LDHAL6A: variants seen among roughly 807,000 people sequenced by gnomAD.
LDHAL6A encodes the protein L-lactate dehydrogenase A-like 6A.
A neutral mutation model predicts 28.2 loss-of-function variants in LDHAL6A; 19 were observed. The ratio of observed to expected loss-of-function variants is 0.67; its 90% CI spans 0.47 to 0.99. The LOEUF (loss-of-function observed/expected upper bound fraction) is 0.99, where lower values mean the gene tolerates loss of function less well. Among genes scored for constraint, LDHAL6A ranks in the 50% least tolerant of loss-of-function variants. LDHAL6A has a pLI of 0.00. For missense variants in LDHAL6A, 372 were observed against 398.6 expected, an observed-to-expected ratio of 0.93 and a Z score of 0.57; for synonymous variants, 144 against 134.4, an observed-to-expected ratio of 1.07 and a Z score of -0.49.
intron 3 of LDHAL6A, among the ~76,000 whole-genome samples, chr11:18,470,897 G>C (rs1238392616): frequency 6.6e-6 from 1 of 152,070 alleles, no homozygotes; most frequent in East Asian, 1.9e-4. Flanking sequence ...ATGATGGCCA[G>C]TCTGGTCTCA....
At chr11:18,467,898 T>TATATATATATATATATACACACACAC (rs1565070830) in intron 3 of LDHAL6A, among the ~76,000 whole-genome samples, 4 of 68,202 alleles carry the variant, frequency 5.9e-5, no homozygotes, top group African/African-American at 1.7e-4. Context: ...TATATATATA[T>TATATATATATATATATACACACACAC]ATATATATAT....
rs1374559444 is a variant in LDHAL6A, at chr11:18,462,639, AAAAC to A, written c.127-1306_127-1303del. On this transcript the variant is annotated intron_variant, in intron 1 of 6. Transcript: ENST00000280706. ...GCAACAGAGCAAGACTCTGTCTCAA[AAAAC>A]AAACAAACAAACAAAAAAAAAAACA... is the stretch of plus-strand genomic sequence containing the variant. Among the ~76,000 whole-genome samples, 22 of 107,694 alleles carry A rather than the reference AAAAC, an allele frequency of 2.0e-4. 1 individual carries two copies. Among genetic ancestry groups the A allele is most frequent in the Middle Eastern group, 4.2e-3 (1 of 236 alleles). The allele number at this position is 107,694 out of a possible 152,430, so 70.7% of individuals were successfully genotyped here. A position where few individuals can be genotyped will look rare whatever the true frequency, so the allele number is the denominator to read the frequency against.
At chr11:18,465,352 A>G (rs1849037007) in intron 2 of LDHAL6A, among the ~76,000 whole-genome samples, 1 of 150,632 alleles carries the variant, frequency 6.6e-6, no homozygotes, top group Admixed American at 6.6e-5. Flanking sequence ...TGAACTCCTA[A>G]CCTCATTTGA....
At chr11:18,475,750 G>T in intron 4 of LDHAL6A, 111 bp downstream of exon 4, 1 of 833,384 alleles carries the variant, frequency 1.2e-6, no homozygotes, top group Non-Finnish European at 1.8e-6. Context: ...TTCCACTTTA[G>T]GCCCTTTTAG....
intron 3 of LDHAL6A, among the ~76,000 whole-genome samples, chr11:18,472,580 C>T (rs12575390): frequency 0.18 from 27,886 of 152,134 alleles, 2,969 homozygotes; most frequent in East Asian, 0.43. Flanking sequence ...TTATGTCCTT[C>T]ACAGAGATCC....
At position 18,472,663 on chromosome 11, in the gene LDHAL6A, G is replaced by GT. The variant is rs566395561; in HGVS notation, c.419-2802dup. On this transcript the variant is annotated intron_variant, in intron 3 of 6. Coordinates refer to ENST00000280706, the MANE Select transcript of LDHAL6A (RefSeq NM_144972.5). ...ATTTGATGCATTTATTATTTTTAAA[G>GT]TATGAGTTATTACATAAAGCTAAGT... Among the ~76,000 whole-genome samples, 236 of 152,280 alleles carry GT rather than the reference G, an allele frequency of 1.5e-3. 1 individual carries two copies. The highest frequency in any genetic ancestry group is 5.0e-3 in the African/African-American group (209 of 41,566).
At chr11:18,473,143 C>A (rs1357096985) in intron 3 of LDHAL6A, among the ~76,000 whole-genome samples, 1 of 152,114 alleles carries the variant, frequency 6.6e-6, no homozygotes, top group Non-Finnish European at 1.5e-5. Flanking sequence ...CATTGTCCTG[C>A]TGAAACCCTC....
At chr11:18,460,083 T>C (rs1397537894) in intron 1 of LDHAL6A, among the ~76,000 whole-genome samples, 2 of 152,168 alleles carry the variant, frequency 1.3e-5, no homozygotes, top group Non-Finnish European at 2.9e-5. Context: ...AGTTGTACAG[T>C]CTAGTTTAAA....
At chr11:18,461,255 C>G (rs1848893617) in intron 1 of LDHAL6A, among the ~76,000 whole-genome samples, 1 of 151,898 alleles carries the variant, frequency 6.6e-6, no homozygotes, top group East Asian at 2.0e-4. Flanking sequence ...AGCGATTCAT[C>G]TGCCTCAGCT....
At chr11:18,460,303 G>C (rs1483244575) in intron 1 of LDHAL6A, among the ~76,000 whole-genome samples, 1 of 151,754 alleles carries the variant, frequency 6.6e-6, no homozygotes, top group Non-Finnish European at 1.5e-5. Flanking sequence ...TTAAAAATTG[G>C]CTAGGTGGCC....
At chr11:18,474,846 T>G (rs2133888846) in intron 3 of LDHAL6A, among the ~76,000 whole-genome samples, 1 of 152,314 alleles carries the variant, frequency 6.6e-6, no homozygotes, top group Admixed American at 6.5e-5. Context: ...AAAAAATAAT[T>G]TTTTCCTACT....
chr11:18,471,737 C>CA (rs1849261568), intron 3 of LDHAL6A, among the ~76,000 whole-genome samples: 1 of 123,266 alleles, frequency 8.1e-6, no homozygotes, highest in South Asian at 2.6e-4. Context: ...CCAGCCTGGG[C>CA]AAAATGGTGA....
chr11:18,467,990 T>TAC (rs1491446405), intron 3 of LDHAL6A, among the ~76,000 whole-genome samples: 6 of 42,088 alleles, frequency 1.4e-4, no homozygotes, highest in African/African-American at 4.7e-4. Flanking sequence ...CGTATATATA[T>TAC]GCATATATAT....
intron 1 of LDHAL6A, 148 bp from the exon 2 acceptor site, chr11:18,463,813 A>G (rs1375293795): frequency 5.2e-6 from 3 of 578,812 alleles, no homozygotes; most frequent in Non-Finnish European, 9.4e-6. Flanking sequence ...CTTTTATATC[A>G]TGACAAAATG....
Position 18,456,794 on chromosome 11 carries a change from C to T in LDHAL6A, c.114C>T (p.Ser38=). 3 of 1,612,594 alleles carry T rather than the reference C, an allele frequency of 1.9e-6. No individual in the cohort carries two copies. Among genetic ancestry groups the T allele is most frequent in the Non-Finnish European group, 2.5e-6 (3 of 1,179,684 alleles). Residue 38 remains serine, a synonymous_variant, in exon 1 of 7, where the codon AGC becomes AGT. Transcript: ENST00000280706. The part of the protein sequence containing the change: ...TGSVGVACAI[S]ILLKGLSDEL... Reference sequence around the variant, plus strand: ...CGGTTGGTGTGGCTTGTGCTATCAGCATCTTATTAAAAGTAAGTTGTGTGC... The same window carrying T: ...CGGTTGGTGTGGCTTGTGCTATCAGTATCTTATTAAAAGTAAGTTGTGTGC...
chr11:18,464,977 G>GTTTGTTTTTTTTT (rs1849013732), intron 2 of LDHAL6A, among the ~76,000 whole-genome samples: 19 of 125,486 alleles, frequency 1.5e-4, no homozygotes, highest in African/African-American at 5.7e-4. Flanking sequence ...TGTTTTTTTT[G>GTTTGTTTTTTTTT]TTTTTTTTTG....
Position 18,475,473 on chromosome 11 carries a change from C to G in LDHAL6A, c.426C>G (p.Ile142Met), listed in dbSNP as rs769794301. The change falls in exon 4 of 7, where the codon ATC becomes ATG. Residue 142 changes from isoleucine to methionine, a missense_variant. Ile to Met is a conservative substitution (Grantham distance 10). Around this residue, in one of 3 missense-constraint regions of LDHAL6A, gnomAD observed 291 missense variants for 302.9 expected, o/e 0.96. Coordinates refer to ENST00000280706, the MANE Select transcript of LDHAL6A (RefSeq NM_144972.5). ...TGAACTTTTTCTTCTTAGTGGATAT[C>G]TTAACTTATGTAGCCTGGAAGTTGA... ...KLLIVTNPVD[I>M]LTYVAWKLSG... 9.3e-6 allele frequency: 15 copies of G among 1,612,284 alleles called. No individual in the cohort carries two copies. The highest frequency in any genetic ancestry group is 1.3e-5 in the Non-Finnish European group (15 of 1,178,930).
At chr11:18,478,685 T>G in intron 6 of LDHAL6A, 21 bp from the exon 7 acceptor site, 1 of 1,583,532 alleles carries the variant, frequency 6.3e-7, no homozygotes, top group African/African-American at 1.4e-5. Flanking sequence ...AAAGGAATAA[T>G]TTTTAAGTCT....
At chr11:18,472,618 C>T (rs1258864200) in intron 3 of LDHAL6A, among the ~76,000 whole-genome samples, 1 of 152,122 alleles carries the variant, frequency 6.6e-6, no homozygotes, top group Non-Finnish European at 1.5e-5. Flanking sequence ...CTTAAATTGT[C>T]TTCATATGTT....
Sources: allele counts gnomAD v4.1 joint callset (sites outside exome capture counted in the v4.1 genomes callset), GRCh38; gene constraint gnomAD v4.1.1; regional missense constraint gnomAD v4.1.1; transcripts MANE v1.5; gene names NCBI Gene and HGNC (gene_info 2026-07-23, HGNC 2026-07-21).